The following LRGUK variants were observed in gnomAD, a reference collection of about 807,000 sequenced individuals.
LRGUK encodes the protein leucine-rich repeat and guanylate kinase domain-containing protein.
LRGUK carries 65 observed loss-of-function variants against 76.0 expected under a neutral mutation model. That is an observed-to-expected ratio of 0.85 (90% CI 0.70 to 1.05). LRGUK has a LOEUF of 1.05. LRGUK is among the 50% of genes least tolerant of loss of function. The pLI is 0.00. For synonymous variants in LRGUK, 268 were observed against 265.6 expected (o/e 1.01, Z -0.09); for missense variants, 758 against 732.8 (o/e 1.03, Z -0.40).
chr7:134,250,272 T>C (rs1460533689), intron 18 of LRGUK, among the ~76,000 whole-genome samples: 2 of 152,172 alleles, frequency 1.3e-5, no homozygotes, highest in African/African-American at 2.4e-5. Flanking sequence ...TATTTCTGTA[T>C]CCTAAAAAAC....
intron 15 of LRGUK, among the ~76,000 whole-genome samples, chr7:134,205,613 T>TA (rs1218546155): frequency 1.3e-5 from 2 of 152,172 alleles, no homozygotes; most frequent in Admixed American, 1.3e-4. Flanking sequence ...GAAATTGAAA[T>TA]AAAAAATATT....
At chr7:134,184,064 T>A (rs1343552093) in intron 11 of LRGUK, among the ~76,000 whole-genome samples, 1 of 152,174 alleles carries the variant, frequency 6.6e-6, no homozygotes, top group Non-Finnish European at 1.5e-5. Context: ...TATTAACTCT[T>A]GGTAAGGACA....
intron 18 of LRGUK, 69 bp from the exon 19 acceptor site, chr7:134,258,188 T>C: frequency 6.3e-7 from 1 of 1,590,570 alleles, no homozygotes; most frequent in Non-Finnish European, 8.6e-7. Flanking sequence ...GTCATAGGCA[T>C]AGATCGTGTG....
At chr7:134,197,378 C>T (rs561494819) in intron 13 of LRGUK, among the ~76,000 whole-genome samples, 8 of 152,256 alleles carry the variant, frequency 5.3e-5, no homozygotes, top group Admixed American at 2.6e-4. Context: ...GACAGGAGTT[C>T]GGTTACAATA....
exon 4 of LRGUK, chr7:134,143,110 C>T (rs1368172607): frequency 3.7e-6 from 6 of 1,610,938 alleles, no homozygotes; most frequent in Non-Finnish European, 3.4e-6. Context: ...CTTAATGCTT[C>T]TCAAAATAAT....
At chr7:134,181,293 AC>A (rs1799735011) in intron 10 of LRGUK, among the ~76,000 whole-genome samples, 1 of 152,042 alleles carries the variant, frequency 6.6e-6, no homozygotes, top group Admixed American at 6.6e-5. Context: ...CATGATCCAC[AC>A]CTTTTTCCTT....
At chr7:134,130,261 A>G (rs1355346900) in intron 1 of LRGUK, among the ~76,000 whole-genome samples, 1 of 152,176 alleles carries the variant, frequency 6.6e-6, no homozygotes, top group East Asian at 1.9e-4. Context: ...TGCAACTTTG[A>G]GATGTTTGTA....
chr7:134,221,823 T>TA lies in LRGUK; in HGVS notation c.1889dup (p.Tyr630Ter). ...GAAACCTGAAGCGCATCCTACAAAG[T>TA]ATATTTCTTCGAATATGGGTGATTT... The change falls in exon 16 of 20, where the codon TAT (tyrosine) becomes TAAT (stop). Residue 630 changes from tyrosine (Y) to a stop codon, truncating the protein, a stop_gained and frameshift_variant. Transcript: ENST00000285928. LOFTEE classifies it high-confidence loss of function. 6.2e-7 allele frequency: 1 copy of TA among 1,602,390 alleles called. No homozygotes were observed. Among genetic ancestry groups the TA allele is most frequent in the Non-Finnish European group, 8.5e-7 (1 of 1,175,276 alleles).
chr7:134,148,913 TC>T (rs1423558680), intron 5 of LRGUK, among the ~76,000 whole-genome samples: 3 of 148,264 alleles, frequency 2.0e-5, no homozygotes, highest in Admixed American at 2.0e-4. Flanking sequence ...AGACTCTGTC[TC>T]AAAAAAAAAA....
At chr7:134,218,428 G>T (rs1801493021) in intron 15 of LRGUK, among the ~76,000 whole-genome samples, 1 of 151,296 alleles carries the variant, frequency 6.6e-6, no homozygotes, top group South Asian at 2.1e-4. Flanking sequence ...ATTTTGAAAA[G>T]TAATCAGTCA....
At chr7:134,196,123 T>C (rs1800475511) in intron 12 of LRGUK, among the ~76,000 whole-genome samples, 1 of 152,220 alleles carries the variant, frequency 6.6e-6, no homozygotes, top group African/African-American at 2.4e-5. Flanking sequence ...TTTCACTTCA[T>C]TGTTTATTTC....
exon 16 of LRGUK, chr7:134,209,881 G>A (rs746403958): frequency 2.5e-6 from 1 of 399,184 alleles, no homozygotes; most frequent in Non-Finnish European, 4.4e-6. Flanking sequence ...CCCAGGAGGA[G>A]GCGGCTCAGA....
chr7:134,165,062 A>G (rs980701845), intron 7 of LRGUK, among the ~76,000 whole-genome samples: 13 of 152,176 alleles, frequency 8.5e-5, no homozygotes, highest in Non-Finnish European at 1.9e-4. Flanking sequence ...TCACATATAT[A>G]CAGAGGCTGG....
chr7:134,271,975 T>C, the LRGUK span, among the ~76,000 whole-genome samples: 2 of 152,126 alleles, frequency 1.3e-5, no homozygotes, highest in Non-Finnish European at 2.9e-5. Flanking sequence ...ATATTCCTTT[T>C]CTTTCCATCC....
intron 15 of LRGUK, among the ~76,000 whole-genome samples, chr7:134,205,492 T>C (rs1300343506): frequency 1.3e-5 from 2 of 152,190 alleles, no homozygotes; most frequent in Non-Finnish European, 2.9e-5. Flanking sequence ...TTCTATAATT[T>C]AGATATATGT....
chr7:134,267,704 G>C (rs1802880295), downstream of LRGUK, among the ~76,000 whole-genome samples: 2 of 152,142 alleles, frequency 1.3e-5, no homozygotes, highest in Admixed American at 6.5e-5. Context: ...ATGTGGAGTT[G>C]TGAGTCCATT....
chr7:134,263,946 C>T (rs1802806768), exon 20 of LRGUK: 2 of 1,612,588 alleles, frequency 1.2e-6, no homozygotes, highest in Middle Eastern at 1.6e-4. Context: ...CAAACCCACC[C>T]TCCCTCCAAT....
intron 11 of LRGUK, among the ~76,000 whole-genome samples, chr7:134,189,368 C>T (rs1310619075): frequency 6.6e-6 from 1 of 152,118 alleles, no homozygotes; most frequent in Non-Finnish European, 1.5e-5. Flanking sequence ...CACTATGAAG[C>T]ATTTTCTTTT....
intron 12 of LRGUK, among the ~76,000 whole-genome samples, chr7:134,191,972 A>G (rs1460162367): frequency 6.6e-6 from 1 of 152,136 alleles, no homozygotes; most frequent in Admixed American, 6.5e-5. Flanking sequence ...TAAATTTCCA[A>G]TAAAAATGAA....
Sources: allele counts gnomAD v4.1 joint callset (sites outside exome capture counted in the v4.1 genomes callset), GRCh38; gene constraint gnomAD v4.1.1; transcripts MANE v1.5; gene names NCBI Gene and HGNC (gene_info 2026-07-23, HGNC 2026-07-21).